CS: variants seen among roughly 807,000 people sequenced by gnomAD.
CS encodes the protein citrate synthase, mitochondrial.
CS carries 13 observed loss-of-function variants against 61.4 expected under a neutral mutation model. That is an observed-to-expected ratio of 0.21 (90% CI 0.14 to 0.34). CS has a LOEUF of 0.34. Ranked by LOEUF, CS falls within the 10% of genes least tolerant of loss-of-function variation. CS has a pLI of 1.00. For missense variants in CS, 278 were observed against 573.4 expected (o/e 0.48, Z 5.26); for synonymous variants, 159 against 215.2 (o/e 0.74, Z 2.29).
Position 56,300,168 on chromosome 12 carries a change from C to T in CS, c.34G>A (p.Gly12Arg), listed in dbSNP as rs1181199916. 3 of 1,570,026 alleles carry T rather than the reference C, an allele frequency of 1.9e-6. No individual in the cohort carries two copies. The highest frequency in any genetic ancestry group is 1.2e-5 in the South Asian group (1 of 85,786). Reference protein sequence around the residue: ...ALLTAAARLLGTKNASCLVLA... With the variant: ...ALLTAAARLLRTKNASCLVLA... Reference sequence around the variant, plus strand: ...CTCCCCTCGCTGCTCACCTTGGTTCCCAAGAGCCGGGCGGCCGCAGTAAGT... The same window carrying T: ...CTCCCCTCGCTGCTCACCTTGGTTCTCAAGAGCCGGGCGGCCGCAGTAAGT... The change falls in exon 1 of 11, where the codon GGA becomes AGA. Residue 12 changes from glycine to arginine, a missense_variant. Around this residue, in one of 2 missense-constraint regions of CS, gnomAD observed 55 missense variants for 69.9 expected, o/e 0.79. Transcript: ENST00000351328.
intron 9 of CS, chr12:56,274,542 C>T: frequency 4.7e-6 from 2 of 427,212 alleles, no homozygotes; most frequent in African/African-American, 2.0e-5. Context: ...TAGCACACTG[C>T]AGCCTTAAAC....
chr12:56,273,996 G>GC, intron 9 of CS, 200 bp from the exon 10 acceptor site: 1 of 529,222 alleles, frequency 1.9e-6, no homozygotes, highest in Non-Finnish European at 3.3e-6. Flanking sequence ...AACACATCTG[G>GC]CTTTTTTTTT....
rs752609958 is a variant in CS at position 56,275,138 on chromosome 12, G to A, written c.789-7C>T. On this transcript the variant is annotated splice_region_variant and splice_polypyrimidine_tract_variant and intron_variant, in intron 7 of 10. Coordinates refer to ENST00000351328, the MANE Select transcript of CS (RefSeq NM_004077.3). The stretch of plus-strand genomic sequence containing the variant: ...ATTGCCACCCTCATGGTCACTGTGG[G>A]GAAGTAAGAAGGGAGAGCCAAGGGA... 12 of 1,613,946 alleles carry A rather than the reference G, an allele frequency of 7.4e-6. No individual in the cohort carries two copies. The highest frequency in any genetic ancestry group is 9.3e-6 in the Non-Finnish European group (11 of 1,179,990).
intron 1 of CS, among the ~76,000 whole-genome samples, chr12:56,293,438 T>C (rs924113481): frequency 9.9e-5 from 15 of 152,254 alleles, no homozygotes; most frequent in Non-Finnish European, 1.8e-4. Flanking sequence ...GAAAACAGGC[T>C]GGACACGGTG....
intron 6 of CS, among the ~76,000 whole-genome samples, chr12:56,281,711 C>T (rs1331830010): frequency 6.6e-6 from 1 of 152,186 alleles, no homozygotes; most frequent in Non-Finnish European, 1.5e-5. Context: ...TAGGATCTCA[C>T]TATGTTGCCC....
At chr12:56,276,769 C>T (rs535853204) in intron 6 of CS, among the ~76,000 whole-genome samples, 33 of 152,190 alleles carry the variant, frequency 2.2e-4, no homozygotes, top group Non-Finnish European at 2.9e-4. Flanking sequence ...TAGAAACTCC[C>T]GACCTCAGGT....
rs1341801813 is a variant in CS at position 56,300,192 on chromosome 12, G to A, written c.10C>T (p.Leu4Phe). 7.0e-6 allele frequency: 11 copies of A among 1,573,258 alleles called. No homozygotes were observed. The East Asian group carries it at 1.7e-4, about 24-fold the overall frequency. Residue 4 changes from leucine to phenylalanine, a missense_variant, in exon 1 of 11, where the codon CTT (leucine) becomes TTT (phenylalanine). Coordinates refer to ENST00000351328, the MANE Select transcript of CS (RefSeq NM_004077.3). ...CCCAAGAGCCGGGCGGCCGCAGTAA[G>A]TAAAGCCATGGCGGGCGATCTCCGG... is the stretch of plus-strand genomic sequence containing the variant. MALLTAAARLLGTK... is the reference protein window; with the variant it reads MALFTAAARLLGTK...
intron 1 of CS, among the ~76,000 whole-genome samples, chr12:56,298,912 C>A (rs1430489666): frequency 6.6e-6 from 1 of 151,984 alleles, no homozygotes; most frequent in Admixed American, 6.6e-5. Flanking sequence ...CGTGGCGGTG[C>A]ACACCTGTGG....
intron 1 of CS, among the ~76,000 whole-genome samples, chr12:56,297,991 C>G (rs1038506099): frequency 7.2e-6 from 1 of 138,292 alleles, no homozygotes; most frequent in African/African-American, 2.5e-5. Context: ...GCTTTGCTAC[C>G]CCCCCCGCCC....
intron 6 of CS, among the ~76,000 whole-genome samples, chr12:56,282,088 A>G (rs1362134084): frequency 6.6e-6 from 1 of 152,030 alleles, no homozygotes; most frequent in Non-Finnish European, 1.5e-5. Flanking sequence ...TGAACTCCTG[A>G]CCTCGTGATC....
chr12:56,281,569 A>G (rs1872776761), intron 6 of CS, among the ~76,000 whole-genome samples: 1 of 152,190 alleles, frequency 6.6e-6, no homozygotes, highest in Non-Finnish European at 1.5e-5. Context: ...AGTTTTCTGT[A>G]TTTGAAGAAG....
At position 56,272,841 on chromosome 12, in the gene CS, G is replaced by T; in HGVS notation, c.*243C>A. The T allele has an allele frequency of 2.5e-6, 1 of 403,236 alleles. No homozygotes were observed. Among genetic ancestry groups the T allele is most frequent in the Non-Finnish European group, 4.5e-6 (1 of 222,042 alleles). The allele number at this position is 403,236 out of a possible 1,614,324, so 25.0% of individuals were successfully genotyped here. On this transcript the variant is annotated 3_prime_UTR_variant, in exon 11 of 11. Transcript: ENST00000351328. ...ACTCATACCACATGCATTAGTCCTG[G>T]TCATCCTCCAGGACCATGCGTATGA...
At position 56,276,131 on chromosome 12, in the gene CS, C is replaced by T. The variant is rs1251681660; in HGVS notation, c.653G>A (p.Arg218Gln). ...ACCGCTGCCTTCTCTGTAGAGATTTCGGTAGATCTTTGCTGCAACACAAGG... is the reference window on the plus strand; with the variant it reads ...ACCGCTGCCTTCTCTGTAGAGATTTTGGTAGATCTTTGCTGCAACACAAGG... ...KLPCVAAKIY[R>Q]NLYREGSGIG... The change falls in exon 7 of 11, where the codon CGA (arginine) becomes CAA (glutamine). Residue 218 changes from arginine to glutamine, a missense_variant. Arg to Gln is a conservative substitution (Grantham distance 43). Around this residue, in one of 2 missense-constraint regions of CS, gnomAD observed 223 missense variants for 503.5 expected, o/e 0.44. Coordinates refer to ENST00000351328, the MANE Select transcript of CS (RefSeq NM_004077.3). The T allele has an allele frequency of 1.8e-5, 29 of 1,613,888 alleles. No individual in the cohort carries two copies. Among genetic ancestry groups the T allele is most frequent in the African/African-American group, 2.7e-5 (2 of 74,838 alleles).
At chr12:56,295,372 T>G (rs536967450) in intron 1 of CS, among the ~76,000 whole-genome samples, 2 of 148,640 alleles carry the variant, frequency 1.3e-5, no homozygotes, top group Non-Finnish European at 3.0e-5. Flanking sequence ...AATACAAAAA[T>G]TAGCCCGGCG....
chr12:56,297,144 T>C (rs2135927760), intron 1 of CS, among the ~76,000 whole-genome samples: 1 of 152,304 alleles, frequency 6.6e-6, no homozygotes, highest in Admixed American at 6.5e-5. Context: ...GAGAAGCAAT[T>C]TTCAGTGGCT....
rs1872617310 is a variant in CS, at chr12:56,276,121, G to A, written c.663C>T (p.Tyr221=). ...TGGCCCCAATACCGCTGCCTTCTCT[G>A]TAGAGATTTCGGTAGATCTTTGCTG... ...CVAAKIYRNL[Y]REGSGIGAID... is the part of the protein sequence containing the mutation. The change falls in exon 7 of 11, where the codon TAC becomes TAT. Residue 221 remains tyrosine, a synonymous_variant. Transcript: ENST00000351328. The A allele has an allele frequency of 1.2e-6, 2 of 1,614,036 alleles. No individual in the cohort carries two copies. Among genetic ancestry groups the A allele is most frequent in the Admixed American group, 1.7e-5 (1 of 59,992 alleles).
intron 2 of CS, chr12:56,286,335 G>A (rs1409194312): frequency 1.9e-6 from 1 of 534,404 alleles, no homozygotes. Context: ...TAAATTTTAT[G>A]TTATGTATAT....
intron 10 of CS, 117 bp from the exon 11 acceptor site, chr12:56,273,371 A>G: frequency 8.8e-7 from 1 of 1,137,322 alleles, no homozygotes; most frequent in Non-Finnish European, 1.3e-6. Context: ...GACTTAGCCC[A>G]GTCAACCTTA....
intron 1 of CS, among the ~76,000 whole-genome samples, chr12:56,297,777 T>C (rs1490022155): frequency 6.6e-6 from 1 of 152,154 alleles, no homozygotes; most frequent in Non-Finnish European, 1.5e-5. Flanking sequence ...TAAGAGTCAG[T>C]TCTCCCTGGT....
Sources: allele counts gnomAD v4.1 joint callset (sites outside exome capture counted in the v4.1 genomes callset), GRCh38; gene constraint gnomAD v4.1.1; regional missense constraint gnomAD v4.1.1; transcripts MANE v1.5; gene names NCBI Gene and HGNC (gene_info 2026-07-23, HGNC 2026-07-21).